MYO9A: variants seen among roughly 807,000 people sequenced by gnomAD.
MYO9A encodes the protein myosin IXA.
MYO9A carries 103 observed loss-of-function variants against 293.3 expected under a neutral mutation model. The ratio of observed to expected loss-of-function variants is 0.35; its 90% CI spans 0.30 to 0.41. The LOEUF (loss-of-function observed/expected upper bound fraction) is 0.41, where lower values mean the gene tolerates loss of function less well. Among genes scored for constraint, MYO9A ranks in the 10% least tolerant of loss-of-function variants. The pLI is 1.00. For synonymous variants in MYO9A, 1,001 were observed against 1,035.7 expected, an observed-to-expected ratio of 0.97 and a Z score of 0.64; for missense variants, 2,685 against 3,033.0, an observed-to-expected ratio of 0.89 and a Z score of 2.69.
In MYO9A at chr15:71,826,534, A is replaced by ATTTGT. The variant is rs781744014; in HGVS notation, c.*41_*45dup. The ATTTGT allele has an allele frequency of 6.6e-7, 1 of 1,517,668 alleles. No individual in the cohort carries two copies. The highest frequency in any genetic ancestry group is 2.2e-5 in the Admixed American group (1 of 45,068). The allele number at this position is 1,517,668 out of a possible 1,614,324, so 94.0% of individuals were successfully genotyped here. A position where few individuals can be genotyped will look rare whatever the true frequency, so the allele number is the denominator to read the frequency against. On this transcript the variant is annotated 3_prime_UTR_variant, in exon 42 of 42. Coordinates refer to ENST00000356056, the MANE Select transcript of MYO9A (RefSeq NM_006901.4). ...GATGAAACGCAGCCCCAAAGGTGAG[A>ATTTGT]TTTGTTTACCACTCTGTAGCCACGG...
Position 71,898,735 on chromosome 15 carries a change from G to A in MYO9A, c.3768C>T (p.Pro1256=). ...LQEDVLVRER[P]RSLEDLHQKK... is the part of the protein sequence containing the mutation. The stretch of plus-strand genomic sequence containing the variant: ...TCTGATGGAGATCCTCCAAGGATCT[G>A]GGTCTCTCTCTTACAAGCACATCTT... The change falls in exon 25 of 42, where the codon CCC becomes CCT. Residue 1256 remains proline (P), a synonymous_variant. Coordinates refer to ENST00000356056, the MANE Select transcript of MYO9A (RefSeq NM_006901.4). 1 of 1,614,004 alleles carries A rather than the reference G, an allele frequency of 6.2e-7. No individual in the cohort carries two copies. Among genetic ancestry groups the A allele is most frequent in the Non-Finnish European group, 8.5e-7 (1 of 1,179,994 alleles).
chr15:71,964,155 T>C (rs544699204), intron 13 of MYO9A, among the ~76,000 whole-genome samples: 42 of 152,298 alleles, frequency 2.8e-4, no homozygotes, highest in African/African-American at 1.0e-3. Context: ...TTTTTTTATA[T>C]TATCAGTTAT....
intron 12 of MYO9A, among the ~76,000 whole-genome samples, chr15:71,973,671 G>T (rs2076068480): frequency 6.6e-6 from 1 of 152,146 alleles, no homozygotes; most frequent in Admixed American, 6.5e-5. Context: ...TGCTTCATAT[G>T]CAAGCTACGT....
chr15:71,971,170 T>C (rs1193598990), intron 12 of MYO9A, among the ~76,000 whole-genome samples: 2 of 139,240 alleles, frequency 1.4e-5, no homozygotes, highest in Non-Finnish European at 3.2e-5. Context: ...CAGAAAAAAT[T>C]AAAAAAAAAA....
At chr15:72,091,717 CTTT>C (rs58300874) in intron 1 of MYO9A, among the ~76,000 whole-genome samples, 14 of 133,292 alleles carry the variant, frequency 1.1e-4, no homozygotes, top group Non-Finnish European at 1.2e-4. Context: ...TTCTTTTTTT[CTTT>C]TTTTTTTTTT....
intron 19 of MYO9A, among the ~76,000 whole-genome samples, chr15:71,909,809 GTTCGTTTTTC>G (rs2057777588): frequency 6.6e-6 from 1 of 151,914 alleles, no homozygotes; most frequent in South Asian, 2.1e-4. Flanking sequence ...ACTTTTAACT[GTTCGTTTTTC>G]TTGCAAATGC....
At chr15:71,933,062 C>T (rs923836639) in intron 18 of MYO9A, among the ~76,000 whole-genome samples, 2 of 151,888 alleles carry the variant, frequency 1.3e-5, no homozygotes, top group Non-Finnish European at 2.9e-5. Flanking sequence ...GTACTGCTCA[C>T]CAAATCCTGC....
intron 18 of MYO9A, among the ~76,000 whole-genome samples, chr15:71,924,221 T>TTTATTATTATTATTA (rs535851968): frequency 5.4e-4 from 82 of 151,520 alleles, no homozygotes; most frequent in African/African-American, 1.6e-3. Flanking sequence ...TGAAATTTTG[T>TTTATTATTATTATTA]TTATTATTAT....
At chr15:71,988,977 C>G (rs544992172) in intron 11 of MYO9A, among the ~76,000 whole-genome samples, 11 of 152,288 alleles carry the variant, frequency 7.2e-5, no homozygotes, top group Middle Eastern at 3.4e-3. Context: ...TCACTGCAAC[C>G]TACGCCGCCC....
rs750727382 is a variant in MYO9A at position 71,903,962 on chromosome 15, G to T, written c.2844C>A (p.Arg948=). The change falls in exon 21 of 42, where the codon CGC becomes CGA. Residue 948 remains arginine, a synonymous_variant. Coordinates refer to ENST00000356056, the MANE Select transcript of MYO9A (RefSeq NM_006901.4). ...AATATTTGGAGCTGTATCCTGATTG[G>T]CGAATTCGAACTGTTTCCAGCATCC... ...YTGMLETVRI[R]QSGYSSKYSF... 6.2e-7 allele frequency: 1 copy of T among 1,614,000 alleles called. No homozygotes were observed. Among genetic ancestry groups the T allele is most frequent in the Non-Finnish European group, 8.5e-7 (1 of 1,179,984 alleles).
intron 8 of MYO9A, among the ~76,000 whole-genome samples, chr15:72,002,295 T>A (rs1024165656): frequency 2.0e-5 from 3 of 151,660 alleles, no homozygotes; most frequent in Non-Finnish European, 1.5e-5. Context: ...TTACCCAGGC[T>A]GGAGTGCAAT....
chr15:72,103,464 G>GCAT (rs2080454934), intron 1 of MYO9A, among the ~76,000 whole-genome samples: 1 of 151,076 alleles, frequency 6.6e-6, no homozygotes, highest in Non-Finnish European at 1.5e-5. Flanking sequence ...AGAAGAAGAA[G>GCAT]CAGCAGCAGA....
At chr15:71,871,911 T>A (rs954097281) in intron 32 of MYO9A, among the ~76,000 whole-genome samples, 1 of 151,476 alleles carries the variant, frequency 6.6e-6, no homozygotes, top group Non-Finnish European at 1.5e-5. Context: ...GTATAAAATA[T>A]ATATAATCAT....
intron 39 of MYO9A, among the ~76,000 whole-genome samples, chr15:71,831,845 T>C (rs1271318474): frequency 1.3e-5 from 2 of 152,100 alleles, no homozygotes; most frequent in East Asian, 1.9e-4. Context: ...ACTCCAGATA[T>C]TGTGGCTATC....
At chr15:71,989,778 C>T (rs2076491359) in intron 11 of MYO9A, among the ~76,000 whole-genome samples, 1 of 152,202 alleles carries the variant, frequency 6.6e-6, no homozygotes, top group African/African-American at 2.4e-5. Context: ...GTAATCCCAG[C>T]ACTTTGGGAG....
In MYO9A at chr15:71,897,659, C is replaced by T. The variant is rs2057368154; in HGVS notation, c.4844G>A (p.Ser1615Asn). Reference sequence around the variant, plus strand: ...TGTCTTGGATAATTCCTTGACAGTACTAGATTGGCATGGACTTCCTTTTCT... The same window carrying T: ...TGTCTTGGATAATTCCTTGACAGTATTAGATTGGCATGGACTTCCTTTTCT... Reference protein sequence around the residue: ...FERKGSPCQSSTVKELSKTDR... With the variant: ...FERKGSPCQSNTVKELSKTDR... Residue 1615 changes from serine (S) to asparagine (N), a missense_variant, in exon 25 of 42, where the codon AGT (serine) becomes AAT (asparagine). This residue lies in a region of MYO9A where 1,434 missense variants were observed against 1,497.7 expected (regional missense o/e 0.96). Coordinates refer to ENST00000356056, the MANE Select transcript of MYO9A (RefSeq NM_006901.4). The T allele has an allele frequency of 2.5e-6, 4 of 1,614,126 alleles. No homozygotes were observed. In the East Asian group the frequency reaches 8.9e-5, roughly 36 times the overall value.
chr15:72,035,928 G>A (rs1453998821), intron 2 of MYO9A, among the ~76,000 whole-genome samples: 1 of 150,592 alleles, frequency 6.6e-6, no homozygotes, highest in Non-Finnish European at 1.5e-5. Context: ...AGGGCAGAGG[G>A]TATGAAGATA....
intron 1 of MYO9A, among the ~76,000 whole-genome samples, chr15:72,113,123 T>G (rs535702406): frequency 8.5e-5 from 13 of 152,340 alleles, no homozygotes; most frequent in African/African-American, 3.1e-4. Flanking sequence ...TAAAAAGCAC[T>G]GATATCATCC....
chr15:71,889,913 T>C (rs896479006), intron 26 of MYO9A: 9 of 152,164 alleles, frequency 5.9e-5, no homozygotes, highest in Non-Finnish European at 1.3e-4. Context: ...AAATACTAAG[T>C]GTATAGTCAA....
Sources: allele counts gnomAD v4.1 joint callset (sites outside exome capture counted in the v4.1 genomes callset), GRCh38; gene constraint gnomAD v4.1.1; regional missense constraint gnomAD v4.1.1; transcripts MANE v1.5; gene names NCBI Gene and HGNC (gene_info 2026-07-23, HGNC 2026-07-21).